NMT1: variants seen among roughly 807,000 people sequenced by gnomAD.
NMT1 encodes N-myristoyltransferase 1, also known as glycylpeptide N-tetradecanoyltransferase 1.
A neutral mutation model predicts 63.4 loss-of-function variants in NMT1; 12 were observed. That is an observed-to-expected ratio of 0.19 (90% confidence interval 0.12 to 0.31). NMT1 has a LOEUF of 0.31. Among genes scored for constraint, NMT1 ranks in the 10% least tolerant of loss-of-function variants. The pLI is 1.00. For synonymous variants in NMT1, 228 were observed against 234.3 expected, an observed-to-expected ratio of 0.97 and a Z score of 0.25; for missense variants, 432 against 634.6, an observed-to-expected ratio of 0.68 and a Z score of 3.43.
intron 3 of NMT1, among the ~76,000 whole-genome samples, chr17:45,092,615 C>T (rs1199662809): frequency 6.7e-6 from 1 of 149,298 alleles, no homozygotes; most frequent in African/African-American, 2.5e-5. Context: ...GAGTCTGAGG[C>T]AGGAGAATTG....
At chr17:45,076,663 T>A (rs569569413) in intron 1 of NMT1, among the ~76,000 whole-genome samples, 1 of 151,518 alleles carries the variant, frequency 6.6e-6, no homozygotes, top group Non-Finnish European at 1.5e-5. Flanking sequence ...GGCAGGAGAA[T>A]CCCTTGAACC....
chr17:45,063,661 C>T (rs773113399), intron 1 of NMT1, among the ~76,000 whole-genome samples: 3 of 152,082 alleles, frequency 2.0e-5, no homozygotes, highest in Admixed American at 6.5e-5. Context: ...TTTGGGAGGC[C>T]GAGGCAGGTG....
At chr17:45,088,151 A>T (rs540099424) in intron 3 of NMT1, among the ~76,000 whole-genome samples, 2 of 152,270 alleles carry the variant, frequency 1.3e-5, no homozygotes, top group East Asian at 1.9e-4. Context: ...TGATTCCCCC[A>T]TCACCGTGTG....
chr17:45,066,754 G>A (rs933305754), intron 1 of NMT1, among the ~76,000 whole-genome samples: 11 of 152,014 alleles, frequency 7.2e-5, no homozygotes, highest in Admixed American at 1.3e-4. Context: ...TCGCTCTGTC[G>A]TCCAGGCTAT....
chr17:45,066,616 C>T (rs576410199), intron 1 of NMT1, among the ~76,000 whole-genome samples: 82 of 152,054 alleles, frequency 5.4e-4, no homozygotes, highest in African/African-American at 1.9e-3. Flanking sequence ...AACCCAAACC[C>T]TTCATGTATA....
At chr17:45,084,694 C>T (rs1457557365) in intron 2 of NMT1, among the ~76,000 whole-genome samples, 1 of 151,250 alleles carries the variant, frequency 6.6e-6, no homozygotes, top group Non-Finnish European at 1.5e-5. Flanking sequence ...CCTTGAACTC[C>T]TGGGCTTAAG....
intron 1 of NMT1, among the ~76,000 whole-genome samples, chr17:45,078,755 A>G (rs2053993032): frequency 6.6e-6 from 1 of 151,874 alleles, no homozygotes; most frequent in Admixed American, 6.6e-5. Flanking sequence ...TCCTCCTCCC[A>G]GGCTTCAAGC....
intron 1 of NMT1, among the ~76,000 whole-genome samples, chr17:45,074,063 C>T (rs1377173399): frequency 6.6e-6 from 1 of 152,186 alleles, no homozygotes; most frequent in Non-Finnish European, 1.5e-5. Flanking sequence ...TTACCTCCCA[C>T]CCGCTCACAT....
At chr17:45,073,151 G>A (rs902261456) in intron 1 of NMT1, among the ~76,000 whole-genome samples, 9 of 152,100 alleles carry the variant, frequency 5.9e-5, no homozygotes, top group Admixed American at 1.3e-4. Flanking sequence ...GGCCGGGCGC[G>A]GTGGCTCACA....
At chr17:45,077,308 A>G (rs932831918) in intron 1 of NMT1, among the ~76,000 whole-genome samples, 1 of 152,200 alleles carries the variant, frequency 6.6e-6, no homozygotes, top group Non-Finnish European at 1.5e-5. Flanking sequence ...AATTTGTTCC[A>G]TAAGCTGTTA....
At chr17:45,093,519 G>A in intron 3 of NMT1, 166 bp from the exon 4 acceptor site, 1 of 592,684 alleles carries the variant, frequency 1.7e-6, no homozygotes, top group Middle Eastern at 2.7e-4. Flanking sequence ...TCAGTTAGGG[G>A]CTAAGGGTAG....
chr17:45,095,593 C>T (rs1048511989), intron 4 of NMT1, among the ~76,000 whole-genome samples: 5 of 152,040 alleles, frequency 3.3e-5, no homozygotes, highest in African/African-American at 1.2e-4. Context: ...AGTGAGACTG[C>T]CCCCGCTACA....
At chr17:45,084,844 T>C (rs1464290531) in intron 2 of NMT1, among the ~76,000 whole-genome samples, 1 of 152,148 alleles carries the variant, frequency 6.6e-6, no homozygotes, top group Admixed American at 6.6e-5. Flanking sequence ...TAGTCTCTTT[T>C]TAGAGAGCAA....
chr17:45,081,788 C>G (rs1487814932), intron 2 of NMT1, 36 bp downstream of exon 2: 23 of 1,465,100 alleles, frequency 1.6e-5, no homozygotes, highest in Non-Finnish European at 2.1e-5. Flanking sequence ...GACTCAGTCA[C>G]TTTTTCACAT....
At chr17:45,071,686 A>G (rs1220467038) in intron 1 of NMT1, 2 of 152,154 alleles carry the variant, frequency 1.3e-5, no homozygotes, top group African/African-American at 4.8e-5. Flanking sequence ...CATTGAAACC[A>G]TTAGAAGTAG....
At chr17:45,095,102 C>CACACCGG (rs2054115786) in intron 4 of NMT1, among the ~76,000 whole-genome samples, 4 of 114,832 alleles carry the variant, frequency 3.5e-5, no homozygotes, top group African/African-American at 4.0e-5. Flanking sequence ...TGAGCCACTG[C>CACACCGG]GCCCAGTCTT....
At chr17:45,102,058 G>T (rs1336651612) in intron 8 of NMT1, among the ~76,000 whole-genome samples, 1 of 152,234 alleles carries the variant, frequency 6.6e-6, no homozygotes, top group Non-Finnish European at 1.5e-5. Context: ...AGGTATCATT[G>T]TGGGAGCTGC....
At chr17:45,098,298 C>T in intron 6 of NMT1, 84 bp from the exon 7 acceptor site, 1 of 1,332,480 alleles carries the variant, frequency 7.5e-7, no homozygotes, top group Non-Finnish European at 1.1e-6. Flanking sequence ...CCTGGTCCTT[C>T]TAGGTGTGGC....
At chr17:45,097,097 C>A in intron 5 of NMT1, 31 bp from the exon 6 acceptor site, 1 of 1,588,872 alleles carries the variant, frequency 6.3e-7, no homozygotes, top group Non-Finnish European at 8.6e-7. Context: ...TGCCGGCAAG[C>A]AGCACAACCA....
Sources: allele counts gnomAD v4.1 joint callset (sites outside exome capture counted in the v4.1 genomes callset), GRCh38; gene constraint gnomAD v4.1.1; transcripts MANE v1.5; gene names NCBI Gene and HGNC (gene_info 2026-07-23, HGNC 2026-07-21).